The following FAT3 variants were observed in gnomAD, a reference collection of about 807,000 sequenced individuals.
FAT3 encodes the protein FAT atypical cadherin 3.
FAT3 carries 95 observed loss-of-function variants against 310.2 expected under a neutral mutation model. That is an observed-to-expected ratio of 0.31 (90% CI 0.26 to 0.36). The LOEUF (loss-of-function observed/expected upper bound fraction) is 0.36, where lower values mean the gene tolerates loss of function less well. Among genes scored for constraint, FAT3 ranks in the 10% least tolerant of loss-of-function variants. The pLI is 1.00. For missense variants in FAT3, 5,408 were observed against 5,715.6 expected (o/e 0.95, Z 1.74); for synonymous variants, 2,314 against 2,192.9 (o/e 1.06, Z -1.54).
intron 13 of FAT3, among the ~76,000 whole-genome samples, chr11:92,819,469 T>A (rs1947905042): frequency 6.6e-6 from 1 of 152,206 alleles, no homozygotes; most frequent in Non-Finnish European, 1.5e-5. Context: ...TCCCAGGTGA[T>A]GTTGATGCTG....
chr11:92,725,946 A>C (rs1944984650), intron 4 of FAT3, among the ~76,000 whole-genome samples: 1 of 152,132 alleles, frequency 6.6e-6, no homozygotes, highest in African/African-American at 2.4e-5. Context: ...TTTATCATTT[A>C]AAAGCATGTT....
chr11:92,585,674 T>G (rs1466574247), intron 3 of FAT3, among the ~76,000 whole-genome samples: 1 of 152,036 alleles, frequency 6.6e-6, no homozygotes, highest in Non-Finnish European at 1.5e-5. Flanking sequence ...GTTAAGTCAA[T>G]TGGCTGTTTT....
At chr11:92,882,619 A>T (rs1275835846) in intron 23 of FAT3, 119 bp from the exon 24 acceptor site, 7 of 636,968 alleles carry the variant, frequency 1.1e-5, no homozygotes, top group Non-Finnish European at 1.6e-5. Flanking sequence ...GTCCTGCTTC[A>T]TCTGTACCCT....
At chr11:92,736,981 A>G (rs1216954073) in intron 4 of FAT3, among the ~76,000 whole-genome samples, 1 of 152,178 alleles carries the variant, frequency 6.6e-6, no homozygotes, top group Non-Finnish European at 1.5e-5. Flanking sequence ...AACGTGGTTA[A>G]GGGAGAAGAA....
intron 25 of FAT3, among the ~76,000 whole-genome samples, chr11:92,888,691 G>C (rs773242417): frequency 6.6e-6 from 1 of 152,122 alleles, no homozygotes; most frequent in African/African-American, 2.4e-5. Context: ...GGTCGTTCTG[G>C]GCTGTCAGTG....
intron 2 of FAT3, among the ~76,000 whole-genome samples, chr11:92,421,621 G>A (rs1299521617): frequency 6.6e-6 from 1 of 152,198 alleles, no homozygotes; most frequent in African/African-American, 2.4e-5. Flanking sequence ...TGAAGAGGAA[G>A]CTTTCTGAAA....
chr11:92,804,457 G>A (rs896560452), intron 10 of FAT3, among the ~76,000 whole-genome samples: 2 of 152,002 alleles, frequency 1.3e-5, no homozygotes, highest in African/African-American at 4.8e-5. Flanking sequence ...TCATATTGCT[G>A]GGACCACTGT....
At chr11:92,633,447 G>A (rs111637678) in intron 3 of FAT3, among the ~76,000 whole-genome samples, 42 of 152,198 alleles carry the variant, frequency 2.8e-4, no homozygotes, top group African/African-American at 9.9e-4. Flanking sequence ...AAATTAGGAC[G>A]ATGATGTGAA....
At chr11:92,227,033 G>C (rs1327284262) in intron 1 of FAT3, among the ~76,000 whole-genome samples, 1 of 152,226 alleles carries the variant, frequency 6.6e-6, no homozygotes, top group Non-Finnish European at 1.5e-5. Flanking sequence ...GACTAGGGAG[G>C]GCGCCCAGGG....
At chr11:92,315,655 C>T (rs978426820) in intron 1 of FAT3, among the ~76,000 whole-genome samples, 4 of 151,048 alleles carry the variant, frequency 2.6e-5, no homozygotes, top group East Asian at 2.0e-4. Context: ...TCCCGAGTAG[C>T]GGGGACTACA....
chr11:92,738,751 C>G (rs1388824249), intron 4 of FAT3, among the ~76,000 whole-genome samples: 2 of 152,160 alleles, frequency 1.3e-5, no homozygotes, highest in Non-Finnish European at 2.9e-5. Context: ...TCACAACATG[C>G]TGAGTCTTGT....
intron 2 of FAT3, among the ~76,000 whole-genome samples, chr11:92,372,520 T>C (rs1481841261): frequency 3.3e-5 from 5 of 152,150 alleles, no homozygotes; most frequent in Non-Finnish European, 5.9e-5. Context: ...CTTGGAAAAC[T>C]GAAGTGTGCA....
In FAT3 at chr11:92,292,476, G is replaced by A. The variant is rs929180452; in HGVS notation, c.-17-59620G>A. Among the ~76,000 whole-genome samples, 3 of 152,052 alleles carry A rather than the reference G, an allele frequency of 2.0e-5. No homozygotes were observed. The East Asian group carries it at 5.8e-4, about 29-fold the overall frequency. The stretch of plus-strand genomic sequence containing the variant: ...TTGTTTGTGAGGAAACTTAATTTGT[G>A]TGACACTTGCCTTCTGTCTTCCAGA... On this transcript the variant is annotated intron_variant, in intron 1 of 27. Transcript: ENST00000525166.
At chr11:92,470,442 C>A (rs1951875652) in intron 2 of FAT3, among the ~76,000 whole-genome samples, 1 of 152,180 alleles carries the variant, frequency 6.6e-6, no homozygotes, top group South Asian at 2.1e-4. Context: ...CTTCTTAAAC[C>A]TGTCTTGAAA....
rs568631842 is a variant in FAT3 at position 92,426,153 on chromosome 11, C to T, written c.3292+70749C>T. 3.9e-5 allele frequency among the ~76,000 whole-genome samples: 6 copies of T among 152,154 alleles called. No homozygotes were observed. The South Asian group carries it at 1.2e-3, about 32-fold the overall frequency. ...TGACCAGTGATGATGACCTTTTTTT[C>T]ATATGTTTGTTGGCTGCATAAATGT... On this transcript the variant is annotated intron_variant, in intron 2 of 27. Coordinates refer to ENST00000525166, the MANE Select transcript of FAT3 (RefSeq NM_001367949.2).
intron 3 of FAT3, among the ~76,000 whole-genome samples, chr11:92,676,391 A>G (rs557577616): frequency 2.0e-5 from 3 of 152,202 alleles, no homozygotes; most frequent in Non-Finnish European, 4.4e-5. Flanking sequence ...TCAGTGTCAC[A>G]CAGAAATCAA....
rs112608937 is a variant in FAT3 at position 92,788,643 on chromosome 11, G to T, written c.4336-1300G>T. 7.0e-3 allele frequency among the ~76,000 whole-genome samples: 1,070 copies of T among 152,232 alleles called. 13 individuals carry two copies. Among genetic ancestry groups the T allele is most frequent in the African/African-American group, 0.023 (960 of 41,566 alleles). ...ACCAGATATTATGTATCTCCAGATG[G>T]AAGTACACTAAATCACTCATGAAGG... is the stretch of plus-strand genomic sequence containing the variant. On this transcript the variant is annotated intron_variant, in intron 7 of 27. Coordinates refer to ENST00000525166, the MANE Select transcript of FAT3 (RefSeq NM_001367949.2).
At chr11:92,879,703 T>C (rs1375662818) in intron 22 of FAT3, among the ~76,000 whole-genome samples, 1 of 152,040 alleles carries the variant, frequency 6.6e-6, no homozygotes, top group African/African-American at 2.4e-5. Context: ...TGTTCCTATG[T>C]GGTGAGGCTG....
chr11:92,315,801 C>T lies in FAT3; in HGVS notation c.-17-36295C>T, dbSNP rs377267742. ...CCTCCCAAAGTGCCAGGATTATAGA[C>T]GTGAGCCACCATGCCTGATCCAATC... On this transcript the variant is annotated intron_variant, in intron 1 of 27. Coordinates refer to ENST00000525166, the MANE Select transcript of FAT3 (RefSeq NM_001367949.2). Among the ~76,000 whole-genome samples, 14 of 151,786 alleles carry T rather than the reference C, an allele frequency of 9.2e-5. No homozygotes were observed. The East Asian group carries it at 1.2e-3, about 13-fold the overall frequency.
Sources: allele counts gnomAD v4.1 joint callset (sites outside exome capture counted in the v4.1 genomes callset), GRCh38; gene constraint gnomAD v4.1.1; transcripts MANE v1.5; gene names NCBI Gene and HGNC (gene_info 2026-07-23, HGNC 2026-07-21).